INSR: variants seen among roughly 807,000 people sequenced by gnomAD.
The protein encoded by INSR is insulin receptor, also known as IR.
Under a neutral mutation model 142.6 loss-of-function variants are expected in INSR, and 67 were observed. That is an observed-to-expected ratio of 0.47 (90% CI 0.39 to 0.58). The LOEUF (loss-of-function observed/expected upper bound fraction) is 0.58, where lower values mean the gene tolerates loss of function less well. Among genes scored for constraint, INSR ranks in the 20% least tolerant of loss-of-function variants. INSR has a pLI of 0.00. For synonymous variants in INSR, 756 were observed against 743.1 expected, an observed-to-expected ratio of 1.02 and a Z score of -0.28; for missense variants, 1,248 against 1,833.2, an observed-to-expected ratio of 0.68 and a Z score of 5.83.
At chr19:7,141,893 A>G (rs1418903375) in intron 12 of INSR, 77 bp from the exon 13 acceptor site, 2 of 1,223,708 alleles carry the variant, frequency 1.6e-6, no homozygotes, top group Admixed American at 1.8e-5. Flanking sequence ...CCATGGTGCA[A>G]CCTTGGGCTG....
intron 13 of INSR, among the ~76,000 whole-genome samples, chr19:7,138,531 C>T (rs928342866): frequency 1.3e-5 from 2 of 152,086 alleles, no homozygotes; most frequent in South Asian, 2.1e-4. Flanking sequence ...GACCACCACA[C>T]CTAGCTAATT....
At chr19:7,183,017 A>G (rs1356228061) in intron 3 of INSR, among the ~76,000 whole-genome samples, 4 of 152,078 alleles carry the variant, frequency 2.6e-5, no homozygotes, top group Non-Finnish European at 5.9e-5. Flanking sequence ...GTTTTTATCA[A>G]CAACGAGCAA....
At chr19:7,204,945 A>G (rs1159482842) in intron 2 of INSR, among the ~76,000 whole-genome samples, 1 of 152,122 alleles carries the variant, frequency 6.6e-6, no homozygotes, top group African/African-American at 2.4e-5. Flanking sequence ...TTAGCCGGGC[A>G]TGGTGGCGGG....
At chr19:7,143,687 T>C (rs1973125857) in intron 11 of INSR, among the ~76,000 whole-genome samples, 1 of 152,076 alleles carries the variant, frequency 6.6e-6, no homozygotes, top group African/African-American at 2.4e-5. Flanking sequence ...CTTCTCCCCA[T>C]CCCTTAAGAA....
chr19:7,128,792 G>T, intron 15 of INSR, 60 bp downstream of exon 15: 2 of 1,135,258 alleles, frequency 1.8e-6, no homozygotes, highest in Non-Finnish European at 2.7e-6. Context: ...CTATATCAAG[G>T]CATGTTTTCC....
Position 7,159,835 on chromosome 19 carries a change from C to A in INSR, c.2029+3197G>T, listed in dbSNP as rs1973703926. Among the ~76,000 whole-genome samples, 1 of 152,190 alleles carries A rather than the reference C, an allele frequency of 6.6e-6. No homozygotes were observed. Among genetic ancestry groups the A allele is most frequent in the Non-Finnish European group, 1.5e-5 (1 of 68,032 alleles). On this transcript the variant is annotated intron_variant, in intron 9 of 21. Coordinates refer to ENST00000302850, the MANE Select transcript of INSR (RefSeq NM_000208.4). This position sits in a 1 kb window ranked among gnomAD's most constrained non-coding sequence, Gnocchi z 4.3. ...GACTTGCTTGGGAACTTAGCCAAAGCCCTTCAGCAGGTCAGGGCCAGAGCC... is the reference window on the plus strand; with the variant it reads ...GACTTGCTTGGGAACTTAGCCAAAGACCTTCAGCAGGTCAGGGCCAGAGCC...
chr19:7,179,993 G>C (rs1455686085), intron 3 of INSR, among the ~76,000 whole-genome samples: 1 of 152,192 alleles, frequency 6.6e-6, no homozygotes, highest in Non-Finnish European at 1.5e-5. Context: ...CTTCCTGGCT[G>C]CTGGGGTAAG....
At position 7,210,340 on chromosome 19, in the gene INSR, C is replaced by CAAAA. The variant is rs11342133; in HGVS notation, c.653-25707_653-25704dup. On this transcript the variant is annotated intron_variant, in intron 2 of 21. Coordinates refer to ENST00000302850, the MANE Select transcript of INSR (RefSeq NM_000208.4). ...AGCCTGGTCAACAGAGACTCTGTCTCAAAAAAAAAAAAAAAAAAGTAAACA... is the reference window on the plus strand; with the variant it reads ...AGCCTGGTCAACAGAGACTCTGTCTCAAAAAAAAAAAAAAAAAAAAAAGTAAACA... Among the ~76,000 whole-genome samples, 276 of 109,720 alleles carry CAAAA rather than the reference C, an allele frequency of 2.5e-3. 5 individuals carry two copies. Among genetic ancestry groups the CAAAA allele is most frequent in the Non-Finnish European group, 3.7e-3 (186 of 50,842 alleles). The allele number at this position is 109,720 out of a possible 152,430, so 72.0% of individuals were successfully genotyped here.
intron 2 of INSR, among the ~76,000 whole-genome samples, chr19:7,215,300 T>C (rs1371695609): frequency 1.3e-5 from 2 of 152,140 alleles, no homozygotes; most frequent in Non-Finnish European, 2.9e-5. Flanking sequence ...GGAAGGTCAC[T>C]GTTCCTCGTA....
chr19:7,174,991 C>T (rs540932520), intron 3 of INSR, among the ~76,000 whole-genome samples: 78 of 151,942 alleles, frequency 5.1e-4, no homozygotes, highest in African/African-American at 1.6e-3. Context: ...TATAGGTGCC[C>T]GCCACCGTGC....
At chr19:7,287,320 T>C (rs1165424051) in intron 1 of INSR, among the ~76,000 whole-genome samples, 1 of 151,976 alleles carries the variant, frequency 6.6e-6, no homozygotes, top group Non-Finnish European at 1.5e-5. Context: ...CCACCACGCC[T>C]GGCTAATTTT....
intron 13 of INSR, among the ~76,000 whole-genome samples, chr19:7,137,076 C>T (rs7252542): frequency 0.1 from 15,689 of 151,676 alleles, 1,270 homozygotes; most frequent in African/African-American, 0.22. Flanking sequence ...AGGTGATCCA[C>T]CCACCATGGC....
chr19:7,289,375 C>T (rs10410272), intron 1 of INSR, among the ~76,000 whole-genome samples: 1,562 of 148,792 alleles, frequency 0.01, 29 homozygotes, highest in African/African-American at 0.037. Context: ...TGAAAAAGCA[C>T]GTGGGTAAAT....
intron 2 of INSR, among the ~76,000 whole-genome samples, chr19:7,264,877 A>G (rs1206258418): frequency 6.6e-6 from 1 of 152,094 alleles, no homozygotes; most frequent in Non-Finnish European, 1.5e-5. Context: ...CCGATTTCCA[A>G]CCATCCAACA....
At chr19:7,250,900 C>T (rs186951925) in intron 2 of INSR, among the ~76,000 whole-genome samples, 7 of 151,332 alleles carry the variant, frequency 4.6e-5, no homozygotes, top group East Asian at 1.9e-4. Context: ...CAGGAACGTA[C>T]GATCAGCAAC....
intron 11 of INSR, among the ~76,000 whole-genome samples, chr19:7,145,520 A>C (rs1049445439): frequency 4.6e-5 from 7 of 152,340 alleles, no homozygotes; most frequent in African/African-American, 1.7e-4. Flanking sequence ...ATGACACACT[A>C]GAAGAGGGGT....
intron 2 of INSR, among the ~76,000 whole-genome samples, chr19:7,204,879 G>A (rs1407226090): frequency 1.3e-5 from 2 of 152,170 alleles, no homozygotes; most frequent in Non-Finnish European, 2.9e-5. Context: ...TCAGGAACTC[G>A]AGACCAGCCT....
chr19:7,197,538 TGTGTGTGTCAGGTTCCAGAGTGGGA>T (rs1974793262), intron 2 of INSR, among the ~76,000 whole-genome samples: 2 of 141,476 alleles, frequency 1.4e-5, no homozygotes, highest in Admixed American at 7.0e-5. Flanking sequence ...TGTGTGTGTG[TGTGTGTGTCAGGTTCCAGAGTGGGA>T]GTGTGTGTGT....
At chr19:7,278,883 C>A (rs899683649) in intron 1 of INSR, among the ~76,000 whole-genome samples, 4 of 151,768 alleles carry the variant, frequency 2.6e-5, no homozygotes, top group African/African-American at 7.3e-5. Flanking sequence ...AATCGCAGCA[C>A]TTTGGGAGCC....
Sources: gnomAD v4.1 joint callset for allele counts (sites outside exome capture counted in the v4.1 genomes callset) on GRCh38, gnomAD v4.1.1 for gene constraint, Gnocchi (gnomAD v3.1) non-coding constraint, MANE v1.5 for transcripts, NCBI Gene and HGNC (gene_info 2026-07-23, HGNC 2026-07-21) for gene names.